Variants in ATAD2B observed in about 807,000 individuals in gnomAD.
The protein encoded by ATAD2B is ATPase family AAA domain containing 2B, also known as ATPase family AAA domain-containing protein 2B.
Under a neutral mutation model 167.6 loss-of-function variants are expected in ATAD2B, and 40 were observed. The observed-to-expected ratio is 0.24, with a 90% confidence interval of 0.19 to 0.31. The LOEUF (loss-of-function observed/expected upper bound fraction) is 0.31, where lower values mean the gene tolerates loss of function less well. Ranked by LOEUF, ATAD2B falls within the 10% of genes least tolerant of loss-of-function variation. The pLI, the probability that ATAD2B is intolerant of heterozygous loss-of-function variation, is 1.00. For missense variants in ATAD2B, 1,242 were observed against 1,757.2 expected (o/e 0.71, Z 5.24); for synonymous variants, 579 against 596.5 (o/e 0.97, Z 0.43).
chr2:23,684,318 A>G, the ATAD2B span: 1 of 1,118,130 alleles, frequency 8.9e-7, no homozygotes, highest in Non-Finnish European at 1.2e-6. This position sits in a 1 kb window ranked among gnomAD's most constrained non-coding sequence, Gnocchi z 4.4. Flanking sequence ...CTTCTTGAAA[A>G]AAGAAAAAAA....
At position 23,752,006 on chromosome 2, in the gene ATAD2B, G is replaced by C; in HGVS notation, c.*40C>G. ...AATGGCTCAGAAGACTGCTCTGTGA[G>C]GAGCAGATTGGAGAGGATAAACCAC... is the stretch of plus-strand genomic sequence containing the variant. On this transcript the variant is annotated 3_prime_UTR_variant, in exon 28 of 28. Coordinates refer to ENST00000238789, the MANE Select transcript of ATAD2B (RefSeq NM_017552.4). 1 of 1,457,618 alleles carries C rather than the reference G, an allele frequency of 6.9e-7. No individual in the cohort carries two copies. Among genetic ancestry groups the C allele is most frequent in the Non-Finnish European group, 9.4e-7 (1 of 1,059,994 alleles). The allele number at this position is 1,457,618 out of a possible 1,614,324, so 90.3% of individuals were successfully genotyped here.
At chr2:23,825,332 G>A (rs1688087503) in intron 15 of ATAD2B, among the ~76,000 whole-genome samples, 1 of 151,986 alleles carries the variant, frequency 6.6e-6, no homozygotes, top group Non-Finnish European at 1.5e-5. Flanking sequence ...CCTATTCAAA[G>A]TTAGGGAAAA....
the ATAD2B span, among the ~76,000 whole-genome samples, chr2:23,732,730 T>G: frequency 6.6e-6 from 1 of 152,194 alleles, no homozygotes; most frequent in Non-Finnish European, 1.5e-5. Flanking sequence ...TCTGCTGGAA[T>G]AAAATACTCT....
intron 2 of ATAD2B, 117 bp downstream of exon 2, chr2:23,895,694 TACAATTTA>T: frequency 8.3e-6 from 5 of 604,268 alleles, no homozygotes; most frequent in Non-Finnish European, 1.3e-5. Flanking sequence ...ATAAGTTTAA[TACAATTTA>T]CTTATAAGTA....
chr2:23,784,081 T>G (rs936961550), intron 21 of ATAD2B, among the ~76,000 whole-genome samples: 4 of 152,090 alleles, frequency 2.6e-5, no homozygotes, highest in Non-Finnish European at 5.9e-5. Flanking sequence ...GTAGCAGAGT[T>G]ATACTGAAAC....
intron 1 of ATAD2B, among the ~76,000 whole-genome samples, chr2:23,906,554 C>T (rs1189515127): frequency 6.6e-6 from 1 of 152,094 alleles, no homozygotes; most frequent in Non-Finnish European, 1.5e-5. Context: ...CCCGGGTATC[C>T]TTGTTGACTT....
At chr2:23,865,141 C>T (rs1239096323) in intron 10 of ATAD2B, among the ~76,000 whole-genome samples, 3 of 152,078 alleles carry the variant, frequency 2.0e-5, no homozygotes, top group Non-Finnish European at 4.4e-5. Flanking sequence ...AATCTAGTAA[C>T]TCAGAACCAG....
In ATAD2B at chr2:23,838,668, A is replaced by G. The variant is rs572277168; in HGVS notation, c.1569-4590T>C. ...ATGAATTGTTTTGTATGATGTGTAG[A>G]GGAATCCAGGTTTTTTTTCCCACCA... is the stretch of plus-strand genomic sequence containing the variant. On this transcript the variant is annotated intron_variant, in intron 13 of 27. Coordinates refer to ENST00000238789, the MANE Select transcript of ATAD2B (RefSeq NM_017552.4). Among the ~76,000 whole-genome samples, 4 of 152,294 alleles carry G rather than the reference A, an allele frequency of 2.6e-5. No individual in the cohort carries two copies. In the South Asian group the frequency reaches 8.3e-4, roughly 32 times the overall value.
intron 17 of ATAD2B, among the ~76,000 whole-genome samples, chr2:23,811,940 G>T (rs1016888438): frequency 6.6e-6 from 1 of 151,852 alleles, no homozygotes; most frequent in Non-Finnish European, 1.5e-5. Flanking sequence ...CCTGACAGAT[G>T]ACATCTAAAG....
At chr2:23,744,924 T>G (rs1674742065), downstream of ATAD2B, among the ~76,000 whole-genome samples, 1 of 152,190 alleles carries the variant, frequency 6.6e-6, no homozygotes, top group Non-Finnish European at 1.5e-5. Context: ...CATTTAATAC[T>G]GGGTGGTAGG....
intron 2 of ATAD2B, among the ~76,000 whole-genome samples, chr2:23,892,202 G>C (rs1407155478): frequency 6.6e-6 from 1 of 151,894 alleles, no homozygotes; most frequent in Non-Finnish European, 1.5e-5. Flanking sequence ...CTCGCTCTGT[G>C]GCCCAGGCTG....
rs923118203 is a variant in ATAD2B at position 23,926,885 on chromosome 2, G to T, written c.-115C>A. The T allele has an allele frequency of 3.1e-6, 4 of 1,292,250 alleles. No individual in the cohort carries two copies. Among genetic ancestry groups the T allele is most frequent in the Non-Finnish European group, 4.1e-6 (4 of 970,958 alleles). 80.0% of individuals were successfully genotyped at this position (1,292,250 alleles called of 1,614,324 possible). A position where few individuals can be genotyped will look rare whatever the true frequency, so the allele number is the denominator to read the frequency against. ...GAGCCGGGCAATGAGAGACGAGCCG[G>T]CCCGGAGCGTGCGGAGCGCAGACGA... On this transcript the variant is annotated 5_prime_UTR_variant, in exon 1 of 28. Transcript: ENST00000238789.
At chr2:23,813,968 C>T (rs1281764030) in intron 17 of ATAD2B, among the ~76,000 whole-genome samples, 3 of 152,050 alleles carry the variant, frequency 2.0e-5, no homozygotes, top group East Asian at 1.9e-4. Context: ...GAATTTGCTA[C>T]AGAGCAGGGC....
At chr2:23,711,278 A>AAT in the ATAD2B span, among the ~76,000 whole-genome samples, 8 of 148,552 alleles carry the variant, frequency 5.4e-5, no homozygotes, top group African/African-American at 2.0e-4. Flanking sequence ...ATAAGATATA[A>AAT]ATATATATAT....
chr2:23,850,183 G>T (rs551036026), intron 13 of ATAD2B, among the ~76,000 whole-genome samples: 1 of 147,826 alleles, frequency 6.8e-6, no homozygotes, highest in South Asian at 2.2e-4. Flanking sequence ...ATGATCTCTA[G>T]ATCACAATAA....
intron 22 of ATAD2B, among the ~76,000 whole-genome samples, chr2:23,774,763 G>A (rs1678824763): frequency 6.6e-6 from 1 of 152,098 alleles, no homozygotes; most frequent in Non-Finnish European, 1.5e-5. Flanking sequence ...AGCCGGACAT[G>A]GTGGCGCATG....
At chr2:23,784,521 T>A (rs900068901) in intron 21 of ATAD2B, among the ~76,000 whole-genome samples, 33 of 152,116 alleles carry the variant, frequency 2.2e-4, no homozygotes, top group African/African-American at 7.2e-4. Flanking sequence ...TTTATAAAAC[T>A]ATTACAGATG....
the ATAD2B span, among the ~76,000 whole-genome samples, chr2:23,698,677 G>A: frequency 6.6e-6 from 1 of 152,124 alleles, no homozygotes. Flanking sequence ...AAATAACCGG[G>A]TCTAATATTT....
chr2:23,823,323 T>C lies in ATAD2B; in HGVS notation c.2066A>G (p.Asn689Ser), dbSNP rs1261543081. ...CACTTTTTGCAAGACTGCTAGGATG[T>C]TGTTGAAGCTTCTTTCCAGCAGTGG... Reference protein sequence around the residue: ...IRPLLERSFNNILAVLQKVFP... With the variant: ...IRPLLERSFNSILAVLQKVFP... The change falls in exon 16 of 28, where the codon AAC (asparagine) becomes AGC (serine). Residue 689 changes from asparagine (N) to serine (S), a missense_variant. Asn to Ser is a conservative substitution (Grantham distance 46). Transcript: ENST00000238789. 7 of 1,613,676 alleles carry C rather than the reference T, an allele frequency of 4.3e-6. No homozygotes were observed. Among genetic ancestry groups the C allele is most frequent in the East Asian group, 2.2e-5 (1 of 44,894 alleles).
Sources: gnomAD v4.1 joint callset for allele counts (sites outside exome capture counted in the v4.1 genomes callset) on GRCh38, gnomAD v4.1.1 for gene constraint, Gnocchi (gnomAD v3.1) non-coding constraint, MANE v1.5 for transcripts, NCBI Gene and HGNC (gene_info 2026-07-23, HGNC 2026-07-21) for gene names.